ECT2: variants seen among roughly 807,000 people sequenced by gnomAD.
The protein encoded by ECT2 is protein ECT2.
ECT2 carries 61 observed loss-of-function variants against 116.9 expected under a neutral mutation model. The ratio of observed to expected loss-of-function variants is 0.52; its 90% CI spans 0.42 to 0.65. The LOEUF (loss-of-function observed/expected upper bound fraction) is 0.65, where lower values mean the gene tolerates loss of function less well. ECT2 is among the 30% of genes least tolerant of loss of function. The pLI, the probability that ECT2 is intolerant of heterozygous loss-of-function variation, is 0.00. For missense variants in ECT2, 937 were observed against 1,078.7 expected, an observed-to-expected ratio of 0.87 and a Z score of 1.84; for synonymous variants, 358 against 346.4, an observed-to-expected ratio of 1.03 and a Z score of -0.37.
chr3:172,783,335 AT>A (rs1470399551), intron 15 of ECT2, among the ~76,000 whole-genome samples: 2 of 151,968 alleles, frequency 1.3e-5, no homozygotes, highest in African/African-American at 4.8e-5. Context: ...TTATTTTCTC[AT>A]TTTTTTGATA....
chr3:172,785,236 T>C (rs1489159525), intron 17 of ECT2, among the ~76,000 whole-genome samples: 1 of 152,204 alleles, frequency 6.6e-6, no homozygotes, highest in Non-Finnish European at 1.5e-5. Flanking sequence ...TTCAGAATAC[T>C]CTTGAAACAT....
intron 14 of ECT2, among the ~76,000 whole-genome samples, chr3:172,776,191 GTTTTTTCTTTTT>G (rs1434093811): frequency 7.5e-5 from 8 of 106,982 alleles, no homozygotes; most frequent in Admixed American, 6.2e-4. Context: ...TAGTTTTTCA[GTTTTTTCTTTTT>G]TTTTTTTTTT....
At position 172,820,235 on chromosome 3, in the gene ECT2, T is replaced by C; in HGVS notation, c.2743T>C (p.Ter915ArgextTer12). 5 of 1,596,130 alleles carry C rather than the reference T, an allele frequency of 3.1e-6. No individual in the cohort carries two copies. The South Asian group carries it at 4.6e-5, about 15-fold the overall frequency. ...TLSRSTTHLI[*>R] The stretch of plus-strand genomic sequence containing the variant: ...AAGTAGATCTACAACTCATTTGATA[T>C]GAAGCGTTACCAAAATCTTAAATTA... Residue 915 changes from the stop codon to arginine, a stop_lost, in exon 25 of 25, where the codon TGA becomes CGA. Transcript: ENST00000392692.
At chr3:172,770,704 G>A (rs1720462917) in intron 13 of ECT2, among the ~76,000 whole-genome samples, 1 of 152,060 alleles carries the variant, frequency 6.6e-6, no homozygotes, top group African/African-American at 2.4e-5. Flanking sequence ...GGGGGGATAG[G>A]ATTTGGAATA....
At chr3:172,809,729 A>G (rs564440556) in intron 22 of ECT2, among the ~76,000 whole-genome samples, 46 of 152,150 alleles carry the variant, frequency 3.0e-4, no homozygotes, top group Non-Finnish European at 5.3e-4. Context: ...TTCTTAATTA[A>G]AAGAGTAAAA....
chr3:172,769,206 G>A, intron 13 of ECT2, 63 bp downstream of exon 13: 2 of 1,436,462 alleles, frequency 1.4e-6, no homozygotes, highest in East Asian at 2.4e-5. Context: ...AAAAATCTAG[G>A]TGATATTGTT....
chr3:172,776,029 A>T (rs1442373942), intron 14 of ECT2, among the ~76,000 whole-genome samples: 1 of 152,166 alleles, frequency 6.6e-6, no homozygotes, highest in Non-Finnish European at 1.5e-5. Context: ...CTTTGACAAA[A>T]TGTGTTATTT....
At chr3:172,776,897 C>T (rs1331456677) in intron 14 of ECT2, among the ~76,000 whole-genome samples, 1 of 148,192 alleles carries the variant, frequency 6.7e-6, no homozygotes, top group East Asian at 2.0e-4. Flanking sequence ...CTTTTTGCGA[C>T]AAAGTCTCGC....
Position 172,816,818 on chromosome 3 carries a change from C to G in ECT2, c.2636C>G (p.Ser879Cys), listed in dbSNP as rs1248613891. 6.3e-7 allele frequency: 1 copy of G among 1,595,272 alleles called. No homozygotes were observed. Among genetic ancestry groups the G allele is most frequent in the Non-Finnish European group, 8.6e-7 (1 of 1,167,894 alleles). The change falls in exon 24 of 25, where the codon TCT (serine) becomes TGT (cysteine). Residue 879 changes from serine to cysteine, a missense_variant. By Grantham distance (112) the Ser-to-Cys change is moderately radical. Transcript: ENST00000392692. Reference protein sequence around the residue: ...SNDKHVMSRLSSTSSLAGIPS... With the variant: ...SNDKHVMSRLCSTSSLAGIPS... Reference sequence around the variant, plus strand: ...GATAAGCATGTAATGAGTCGTCTTTCTAGCACATCATCATTAGCAGTAAGT... The same window carrying G: ...GATAAGCATGTAATGAGTCGTCTTTGTAGCACATCATCATTAGCAGTAAGT...
chr3:172,809,598 C>G (rs1024257991), intron 22 of ECT2, among the ~76,000 whole-genome samples: 10 of 145,804 alleles, frequency 6.9e-5, no homozygotes, highest in African/African-American at 1.0e-4. Flanking sequence ...CACACACACA[C>G]GCACACACAC....
chr3:172,823,198 A>G (rs1730757174), downstream of ECT2, among the ~76,000 whole-genome samples: 1 of 152,112 alleles, frequency 6.6e-6, no homozygotes, highest in Non-Finnish European at 1.5e-5. Context: ...TTTTTTATGG[A>G]ACAATACAAA....
At chr3:172,823,417 C>T (rs1730765760), downstream of ECT2, among the ~76,000 whole-genome samples, 1 of 152,112 alleles carries the variant, frequency 6.6e-6, no homozygotes, top group South Asian at 2.1e-4. Flanking sequence ...TTACACTAAC[C>T]TACCATTTTT....
intron 18 of ECT2, among the ~76,000 whole-genome samples, chr3:172,788,091 C>T (rs1404008355): frequency 2.6e-5 from 4 of 152,014 alleles, no homozygotes; most frequent in East Asian, 1.9e-4. Flanking sequence ...ATTTTAATGT[C>T]GAATTGTGAT....
At position 172,807,829 on chromosome 3, in the gene ECT2, C is replaced by G. The variant is rs1728058948; in HGVS notation, c.2305C>G (p.Leu769Val). The G allele has an allele frequency of 6.2e-7, 1 of 1,613,954 alleles. No individual in the cohort carries two copies. The highest frequency in any genetic ancestry group is 8.5e-7 in the Non-Finnish European group (1 of 1,179,862). The change falls in exon 22 of 25, where the codon CTC (leucine) becomes GTC (valine). Residue 769 changes from leucine (L) to valine (V), a missense_variant. Leu to Val is a conservative substitution (Grantham distance 32). Coordinates refer to ENST00000392692, the MANE Select transcript of ECT2 (RefSeq NM_001258315.2). ...ACCAACAGAGCAGGCAAATGTGCTA[C>G]TCAGTTTCCAGATGACATCAGATGA... Reference protein sequence around the residue: ...RPPTEQANVLLSFQMTSDELP... With the variant: ...RPPTEQANVLVSFQMTSDELP...
intron 18 of ECT2, among the ~76,000 whole-genome samples, chr3:172,791,773 T>C (rs1724717695): frequency 6.6e-6 from 1 of 152,192 alleles, no homozygotes; most frequent in Non-Finnish European, 1.5e-5. Flanking sequence ...TACTTATTAT[T>C]CATGTCACTG....
At chr3:172,758,834 G>A (rs1191050979) in intron 5 of ECT2, 146 bp from the exon 6 acceptor site, 1 of 657,570 alleles carries the variant, frequency 1.5e-6, no homozygotes, top group Non-Finnish European at 2.6e-6. Context: ...CTGTTTTTTT[G>A]TTGCATATTG....
At chr3:172,780,184 A>G (rs987362241) in intron 14 of ECT2, among the ~76,000 whole-genome samples, 1 of 152,112 alleles carries the variant, frequency 6.6e-6, no homozygotes, top group African/African-American at 2.4e-5. Flanking sequence ...GATACACTAT[A>G]TAGTATTGTA....
Position 172,802,928 on chromosome 3 carries a change from C to T in ECT2, c.2054C>T (p.Pro685Leu), listed in dbSNP as rs370765148. The stretch of plus-strand genomic sequence containing the variant: ...GAAACAATTTCTCTAGGTGAGCACC[C>T]CTGTGACAGAGGAGAACAAGTAACT... ...RVETISLGEH[P>L]CDRGEQVTLF... Residue 685 changes from proline (P) to leucine (L), a missense_variant, in exon 20 of 25, where the codon CCC becomes CTC. By Grantham distance (98) the Pro-to-Leu change is moderately conservative. Transcript: ENST00000392692. 1.9e-6 allele frequency: 3 copies of T among 1,613,018 alleles called. No homozygotes were observed. The African/African-American group carries it at 4.0e-5, about 22-fold the overall frequency.
rs776816381 is a variant in ECT2 at position 172,816,831 on chromosome 3, A to G, written c.2649A>G (p.Ser883=). ...TGAGTCGTCTTTCTAGCACATCATC[A>G]TTAGCAGTAAGTTATTTTGATTTAA... The part of the protein sequence containing the change: ...HVMSRLSSTS[S]LAGIPSPSLV... The change falls in exon 24 of 25, where the codon TCA becomes TCG. Residue 883 remains serine, a synonymous_variant. Coordinates refer to ENST00000392692, the MANE Select transcript of ECT2 (RefSeq NM_001258315.2). 14 of 1,577,502 alleles carry G rather than the reference A, an allele frequency of 8.9e-6. No homozygotes were observed. Among genetic ancestry groups the G allele is most frequent in the Non-Finnish European group, 1.2e-5 (14 of 1,157,064 alleles).
Sources: allele counts gnomAD v4.1 joint callset (sites outside exome capture counted in the v4.1 genomes callset), GRCh38; gene constraint gnomAD v4.1.1; transcripts MANE v1.5; gene names NCBI Gene and HGNC (gene_info 2026-07-23, HGNC 2026-07-21).